The following TGM5 variants were observed in gnomAD, a reference collection of about 807,000 sequenced individuals.
TGM5 encodes protein-glutamine gamma-glutamyltransferase 5.
A neutral mutation model predicts 77.2 loss-of-function variants in TGM5; 69 were observed. That is an observed-to-expected ratio of 0.89 (90% CI 0.74 to 1.09). TGM5 has a LOEUF of 1.09. Among genes scored for constraint, TGM5 ranks in the 50% least tolerant of loss-of-function variants. The pLI, the probability that TGM5 is intolerant of heterozygous loss-of-function variation, is 0.00. For synonymous variants in TGM5, 346 were observed against 351.8 expected, an observed-to-expected ratio of 0.98 and a Z score of 0.18; for missense variants, 842 against 896.5, an observed-to-expected ratio of 0.94 and a Z score of 0.78.
At chr15:43,259,849 GT>G (rs1459501202) in intron 3 of TGM5, among the ~76,000 whole-genome samples, 1 of 152,200 alleles carries the variant, frequency 6.6e-6, no homozygotes, top group African/African-American at 2.4e-5. Flanking sequence ...AGATGATTTG[GT>G]TTATAACTTG....
intron 6 of TGM5, among the ~76,000 whole-genome samples, chr15:43,242,253 C>T (rs1043378689): frequency 2.6e-5 from 4 of 152,246 alleles, no homozygotes; most frequent in African/African-American, 9.6e-5. Context: ...GCAATCAATA[C>T]TGAGTCCAGC....
chr15:43,235,616 T>C lies in TGM5; in HGVS notation c.1567A>G (p.Ile523Val). 6.2e-7 allele frequency: 1 copy of C among 1,614,182 alleles called. No individual in the cohort carries two copies. The highest frequency in any genetic ancestry group is 1.1e-5 in the South Asian group (1 of 91,086). The change falls in exon 10 of 13, where the codon ATA becomes GTA. Residue 523 changes from isoleucine (I) to valine (V), a missense_variant. Around this residue, in one of 2 missense-constraint regions of TGM5, gnomAD observed 815 missense variants for 844.6 expected, o/e 0.96. Coordinates refer to ENST00000220420, the MANE Select transcript of TGM5 (RefSeq NM_201631.4). ...TTGAGGGCCAGCAGGACAAAGCATATATCCTGGCCCATGTTGGGCGGGTCG... is the reference window on the plus strand; with the variant it reads ...TTGAGGGCCAGCAGGACAAAGCATACATCCTGGCCCATGTTGGGCGGGTCG... The part of the protein sequence containing the change: ...LLDPPNMGQD[I>V]CFVLLALNMS...
intron 9 of TGM5, 130 bp from the exon 10 acceptor site, chr15:43,235,967 C>A: frequency 8.0e-7 from 1 of 1,247,820 alleles, no homozygotes. Context: ...CAAGCACTCC[C>A]TCCACTCCTC....
rs777269833 is a variant in TGM5, at chr15:43,266,882, A to G, written c.-33T>C. The G allele has an allele frequency of 1.2e-6, 2 of 1,613,714 alleles. No individual in the cohort carries two copies. The highest frequency in any genetic ancestry group is 2.7e-5 in the African/African-American group (2 of 74,970). On this transcript the variant is annotated 5_prime_UTR_variant, in exon 1 of 13. Coordinates refer to ENST00000220420, the MANE Select transcript of TGM5 (RefSeq NM_201631.4). ...GCCTCCGGTTCCTGGGATGCTCCCCACAGAACAGCTGGGCGGTCTGGAGCT... is the reference window on the plus strand; with the variant it reads ...GCCTCCGGTTCCTGGGATGCTCCCCGCAGAACAGCTGGGCGGTCTGGAGCT...
At chr15:43,253,437 G>A in intron 5 of TGM5, 69 bp downstream of exon 5, 1 of 1,597,676 alleles carries the variant, frequency 6.3e-7, no homozygotes, top group Non-Finnish European at 8.5e-7. Context: ...CACTGCAGGG[G>A]GCAACTGTGA....
chr15:43,235,580 G>A lies in TGM5; in HGVS notation c.1603C>T (p.Gln535Ter). Residue 535 changes from glutamine to a stop codon, truncating the protein, a stop_gained, in exon 10 of 13, where the codon CAG becomes TAG. Coordinates refer to ENST00000220420, the MANE Select transcript of TGM5 (RefSeq NM_201631.4). LOFTEE classifies it high-confidence loss of function. ...FVLLALNMSSQFKDLKVNLSA... is the reference protein window; with the variant it reads ...FVLLALNMSS ...AGGTTCACTTTGAGGTCCTTGAACT[G>A]GGAGGACATGTTGAGGGCCAGCAGG... 1 of 1,614,114 alleles carries A rather than the reference G, an allele frequency of 6.2e-7. No homozygotes were observed. Among genetic ancestry groups the A allele is most frequent in the East Asian group, 2.2e-5 (1 of 44,896 alleles).
chr15:43,241,859 C>G (rs965564076), intron 6 of TGM5, among the ~76,000 whole-genome samples: 3 of 151,796 alleles, frequency 2.0e-5, no homozygotes, highest in African/African-American at 7.3e-5. Flanking sequence ...AGGCTGGTCT[C>G]GAACTCCTGA....
Position 43,235,667 on chromosome 15 carries a change from G to A in TGM5, c.1516C>T (p.Gln506Ter), listed in dbSNP as rs1166797576. Residue 506 changes from glutamine to a stop codon, truncating the protein, a stop_gained, in exon 10 of 13, where the codon CAA (glutamine) becomes TAA (stop). Transcript: ENST00000220420. LOFTEE classifies it high-confidence loss of function. Reference protein sequence around the residue: ...TPSLRPSDVVQVSLKFKLLDP... With the variant: ...TPSLRPSDVV ...AGCAGCTTGAATTTCAGGGAGACTT[G>A]CACCACATCACTGGGTCGAAGGGAA... is the stretch of plus-strand genomic sequence containing the variant. 3 of 1,614,038 alleles carry A rather than the reference G, an allele frequency of 1.9e-6. No individual in the cohort carries two copies. The highest frequency in any genetic ancestry group is 2.2e-5 in the East Asian group (1 of 44,892).
intron 3 of TGM5, among the ~76,000 whole-genome samples, chr15:43,257,302 A>G (rs1004687329): frequency 2.0e-5 from 3 of 152,228 alleles, no homozygotes; most frequent in African/African-American, 4.8e-5. Flanking sequence ...ATCCCATACC[A>G]TAGAGACGTA....
chr15:43,233,306 A>G lies in TGM5; in HGVS notation c.2048T>C (p.Ile683Thr), dbSNP rs2042560788. The G allele has an allele frequency of 1.2e-6, 2 of 1,614,136 alleles. No individual in the cohort carries two copies. The highest frequency in any genetic ancestry group is 1.7e-6 in the Non-Finnish European group (2 of 1,180,038). Reference sequence around the variant, plus strand: ...ACTCTTGAAGGGGACGGTCTCCAGAATGATGCTTGCTTGGTGTTGGGGTTT... The same window carrying G: ...ACTCTTGAAGGGGACGGTCTCCAGAGTGATGCTTGCTTGGTGTTGGGGTTT... ...VLKPQHQASIILETVPFKSGQ... is the reference protein window; with the variant it reads ...VLKPQHQASITLETVPFKSGQ... Residue 683 changes from isoleucine (I) to threonine (T), a missense_variant, in exon 13 of 13, where the codon ATT becomes ACT. By Grantham distance (89) the Ile-to-Thr change is moderately conservative. Around this residue, in one of 2 missense-constraint regions of TGM5, gnomAD observed 27 missense variants for 51.8 expected, o/e 0.52. Transcript: ENST00000220420.
At chr15:43,234,109 C>A (rs953056918) in intron 11 of TGM5, among the ~76,000 whole-genome samples, 1 of 152,192 alleles carries the variant, frequency 6.6e-6, no homozygotes, top group African/African-American at 2.4e-5. Context: ...TTTCTCTTGT[C>A]ACTTCTCTAA....
chr15:43,250,818 G>C (rs75288334), intron 6 of TGM5, among the ~76,000 whole-genome samples: 1,634 of 152,298 alleles, frequency 0.011, 37 homozygotes, highest in African/African-American at 0.038. Context: ...GGGAAGGTTA[G>C]TGCTGATTGA....
intron 1 of TGM5, 135 bp downstream of exon 1, chr15:43,266,705 A>T: frequency 8.4e-7 from 1 of 1,190,030 alleles, no homozygotes; most frequent in South Asian, 1.2e-5. Flanking sequence ...GGTTTCTGGG[A>T]TTCTTGCTTT....
intron 9 of TGM5, among the ~76,000 whole-genome samples, chr15:43,236,989 G>C (rs1176006880): frequency 7.5e-6 from 1 of 134,214 alleles, no homozygotes; most frequent in Non-Finnish European, 1.6e-5. Context: ...AAAAAAAAAA[G>C]AGTGGGCCCA....
intron 3 of TGM5, 134 bp from the exon 4 acceptor site, chr15:43,256,820 G>A (rs1010882665): frequency 1.3e-6 from 1 of 743,242 alleles, no homozygotes; most frequent in Non-Finnish European, 2.4e-6. Context: ...GCACGAGGCA[G>A]TGGGTCTTAG....
intron 6 of TGM5, among the ~76,000 whole-genome samples, chr15:43,243,999 T>G (rs1193641221): frequency 6.6e-6 from 1 of 152,190 alleles, no homozygotes; most frequent in Non-Finnish European, 1.5e-5. Context: ...AACCCATGTC[T>G]CTCTGATCTC....
chr15:43,245,241 C>T (rs771261760), intron 6 of TGM5, among the ~76,000 whole-genome samples: 10 of 152,114 alleles, frequency 6.6e-5, no homozygotes, highest in Non-Finnish European at 1.5e-5. Flanking sequence ...GCCACACTCC[C>T]ATAGCTTTTA....
At chr15:43,259,756 C>A (rs536798006) in intron 3 of TGM5, among the ~76,000 whole-genome samples, 3 of 152,224 alleles carry the variant, frequency 2.0e-5, no homozygotes, top group African/African-American at 7.2e-5. Context: ...ACGAAAAATA[C>A]TCTAGTTAAC....
chr15:43,238,223 G>A (rs1337249230), intron 9 of TGM5, among the ~76,000 whole-genome samples: 1 of 152,136 alleles, frequency 6.6e-6, no homozygotes, highest in Non-Finnish European at 1.5e-5. Flanking sequence ...CCTGCCTCTG[G>A]CCCTCATGGA....
Sources: gnomAD v4.1 joint callset for allele counts (sites outside exome capture counted in the v4.1 genomes callset) on GRCh38, gnomAD v4.1.1 for gene constraint, gnomAD v4.1.1 regional missense constraint, MANE v1.5 for transcripts, NCBI Gene and HGNC (gene_info 2026-07-23, HGNC 2026-07-21) for gene names.